Variants in DYRK4 observed in about 807,000 individuals in gnomAD.
DYRK4 encodes dual specificity tyrosine phosphorylation regulated kinase 4.
In DYRK4, 64 loss-of-function variants were observed where a neutral mutation model predicts 68.3. The observed-to-expected ratio is 0.94, with a 90% confidence interval of 0.77 to 1.15. The LOEUF (loss-of-function observed/expected upper bound fraction) is 1.15, where lower values mean the gene tolerates loss of function less well. Among genes scored for constraint, DYRK4 ranks in the 50% most tolerant of loss-of-function variants. The probability of loss-of-function intolerance (pLI) is 0.00; values close to 1 mark genes in which losing one functional copy is unlikely to be tolerated. For missense variants in DYRK4, 740 were observed against 764.7 expected (o/e 0.97, Z 0.38); for synonymous variants, 274 against 289.9 (o/e 0.95, Z 0.56).
chr12:4,605,755 TC>T (rs1555124180), intron 11 of DYRK4, among the ~76,000 whole-genome samples: 1 of 102,220 alleles, frequency 9.8e-6, no homozygotes, highest in Admixed American at 1.1e-4. Flanking sequence ...TTTTTTTTTT[TC>T]CAAATTAATG....
Position 4,562,263 on chromosome 12 carries a change from G to T in DYRK4, c.18G>T (p.Pro6=), listed in dbSNP as rs34206253. 383,888 of 1,532,220 alleles carry T rather than the reference G, an allele frequency of 0.25. 49,812 individuals are homozygous for T. The highest frequency in any genetic ancestry group is 0.36 in the South Asian group (30,210 of 83,614). The allele number at this position is 1,532,220 out of a possible 1,614,324, so 94.9% of individuals were successfully genotyped here. A position where few individuals can be genotyped will look rare whatever the true frequency, so the allele number is the denominator to read the frequency against. Residue 6 remains proline, a synonymous_variant, in exon 1 of 15, where the codon CCG becomes CCT. Transcript: ENST00000543431. ...CCGGCCTCATGCAGCTCCTCCCGCC[G>T]CCTATCCGCACCGGAACAAAGTAAG... The part of the protein sequence containing the change: MQLLP[P]PIRTGTKTQM...
chr12:4,605,018 G>A lies in DYRK4; in HGVS notation c.1231G>A (p.Glu411Lys), dbSNP rs1210797005. 6 of 1,614,018 alleles carry A rather than the reference G, an allele frequency of 3.7e-6. No homozygotes were observed. In the South Asian group the frequency reaches 6.6e-5, roughly 18 times the overall value. The change falls in exon 11 of 15, where the codon GAG becomes AAG. Residue 411 changes from glutamate to lysine, a missense_variant. Transcript: ENST00000543431. ...GTGGAGCCTGGGCTGCATCACGGCGGAGTTGTACACGGGCTACCCCCTGTT... is the reference window on the plus strand; with the variant it reads ...GTGGAGCCTGGGCTGCATCACGGCGAAGTTGTACACGGGCTACCCCCTGTT... ...DMWSLGCITA[E>K]LYTGYPLFPG...
At chr12:4,592,731 G>A (rs573982329) in intron 5 of DYRK4, 43 of 329,670 alleles carry the variant, frequency 1.3e-4, no homozygotes, top group East Asian at 1.3e-3. Context: ...TTTTACCTGC[G>A]CTGCTCTAAC....
intron 12 of DYRK4, 135 bp downstream of exon 12, chr12:4,607,522 A>G (rs561251317): frequency 1.0e-6 from 1 of 958,030 alleles, no homozygotes; most frequent in South Asian, 1.5e-5. Flanking sequence ...GAAGTAAAAG[A>G]TAATGAGCAG....
At position 4,593,056 on chromosome 12, in the gene DYRK4, T is replaced by C; in HGVS notation, c.518T>C (p.Leu173Pro). 6.2e-7 allele frequency: 1 copy of C among 1,614,198 alleles called. No homozygotes were observed. Residue 173 changes from leucine (L) to proline (P), a missense_variant, in exon 6 of 15, where the codon CTG (leucine) becomes CCG (proline). Leu to Pro is a moderately conservative substitution (Grantham distance 98). Around this residue, in one of 3 missense-constraint regions of DYRK4, gnomAD observed 614 missense variants for 603.7 expected, o/e 1.02. Coordinates refer to ENST00000543431, the MANE Select transcript of DYRK4 (RefSeq NM_001394779.1). The stretch of plus-strand genomic sequence containing the variant: ...TCTCCATATGAACAAAGTGAAATCC[T>C]GGGCTACGCGGAGCTGTGGTTCCTG... ...QLSPYEQSEI[L>P]GYAELWFLGL...
At chr12:4,579,629 G>T (rs1011668916) in intron 2 of DYRK4, among the ~76,000 whole-genome samples, 2 of 152,154 alleles carry the variant, frequency 1.3e-5, no homozygotes, top group Admixed American at 1.3e-4. Context: ...GCATGCAAAG[G>T]CATTCTATCT....
intron 11 of DYRK4, 138 bp downstream of exon 11, chr12:4,605,224 G>A: frequency 1.4e-6 from 1 of 710,126 alleles, no homozygotes; most frequent in Non-Finnish European, 2.2e-6. Context: ...CCTAAAAGGA[G>A]TTTTGAAATT....
At chr12:4,568,105 A>T in intron 2 of DYRK4, 57 bp downstream of exon 2, 1 of 1,432,678 alleles carries the variant, frequency 7.0e-7, no homozygotes, top group Non-Finnish European at 9.5e-7. Context: ...GGTCCTAGGG[A>T]CTCAGGACCC....
At chr12:4,597,385 G>A (rs1218033686) in intron 8 of DYRK4, among the ~76,000 whole-genome samples, 1 of 152,248 alleles carries the variant, frequency 6.6e-6, no homozygotes, top group Non-Finnish European at 1.5e-5. Flanking sequence ...TAGCGAGCTG[G>A]TAGCTCACTG....
intron 2 of DYRK4, among the ~76,000 whole-genome samples, chr12:4,574,224 T>TA (rs58588899): frequency 0.045 from 5,457 of 120,958 alleles, 166 homozygotes; most frequent in South Asian, 0.15. Context: ...GACTCCATCT[T>TA]AAAAAAAAAA....
In DYRK4 at chr12:4,584,628, T is replaced by G. The variant is rs1944876790; in HGVS notation, c.133-4309T>G. Among the ~76,000 whole-genome samples, 3 of 145,894 alleles carry G rather than the reference T, an allele frequency of 2.1e-5. No individual in the cohort carries two copies. The South Asian group carries it at 6.6e-4, about 32-fold the overall frequency. ...TGGAGTACACTGGTGCGATCTTGGC[T>G]CACTGCAAGCTCTGCCTCCTGGGTT... On this transcript the variant is annotated intron_variant, in intron 2 of 14. Coordinates refer to ENST00000543431, the MANE Select transcript of DYRK4 (RefSeq NM_001394779.1).
At position 4,591,003 on chromosome 12, in the gene DYRK4, G is replaced by C; in HGVS notation, c.325-157G>C. 1 of 826,740 alleles carries C rather than the reference G, an allele frequency of 1.2e-6. No homozygotes were observed. Among genetic ancestry groups the C allele is most frequent in the South Asian group, 2.0e-5 (1 of 50,862 alleles). The allele number at this position is 826,740 out of a possible 1,614,324, so 51.2% of individuals were successfully genotyped here. A position where few individuals can be genotyped will look rare whatever the true frequency, so the allele number is the denominator to read the frequency against. On this transcript the variant is annotated intron_variant, in intron 4 of 14. Transcript: ENST00000543431. This position sits in a 1 kb window ranked among gnomAD's most constrained non-coding sequence, Gnocchi z 4.1. ...AGACAGATGCTTCCTTTGGGAGAGA[G>C]GTAGGGAGAACCTTCTGTCTCTTAA... is the stretch of plus-strand genomic sequence containing the variant.
In DYRK4 at chr12:4,591,405, CA is replaced by C. The variant is rs934309858; in HGVS notation, c.463+110del. Reference sequence around the variant, plus strand: ...CTAAGCTGCCAGGTGTCAGAGTAGTCAAAGAAGGCAGCCAGCCAAGAGGAAA... The same window carrying C: ...CTAAGCTGCCAGGTGTCAGAGTAGTCAAGAAGGCAGCCAGCCAAGAGGAAA... On this transcript the variant is annotated intron_variant, in intron 5 of 14. Transcript: ENST00000543431. The surrounding 1 kb of genome is among the most constrained non-coding windows in gnomAD (Gnocchi z 4.1). 6 of 1,448,376 alleles carry C rather than the reference CA, an allele frequency of 4.1e-6. No individual in the cohort carries two copies. In the Admixed American group the frequency reaches 1.2e-4, roughly 30 times the overall value. The allele number at this position is 1,448,376 out of a possible 1,614,324, so 89.7% of individuals were successfully genotyped here. A position where few individuals can be genotyped will look rare whatever the true frequency, so the allele number is the denominator to read the frequency against.
chr12:4,605,158 A>C, intron 11 of DYRK4, 72 bp downstream of exon 11: 1 of 1,412,672 alleles, frequency 7.1e-7, no homozygotes, highest in East Asian at 2.3e-5. Flanking sequence ...GCTGCACCAG[A>C]CTCGCCCAGG....
At chr12:4,599,915 T>C (rs1456477747) in intron 10 of DYRK4, 127 bp downstream of exon 10, 1 of 744,780 alleles carries the variant, frequency 1.3e-6, no homozygotes, top group East Asian at 2.6e-5. Flanking sequence ...TTGAACAAGG[T>C]GCTTCGCTTC....
chr12:4,583,552 G>A (rs1400663250), intron 2 of DYRK4, among the ~76,000 whole-genome samples: 2 of 151,764 alleles, frequency 1.3e-5, no homozygotes, highest in African/African-American at 4.8e-5. Context: ...CTGCCACCAC[G>A]CCCGACTAAT....
chr12:4,591,020 GTC>G lies in DYRK4; in HGVS notation c.325-136_325-135del. 1.0e-6 allele frequency: 1 copy of G among 985,960 alleles called. No individual in the cohort carries two copies. The highest frequency in any genetic ancestry group is 1.5e-6 in the Non-Finnish European group (1 of 680,832). 61.1% of individuals were successfully genotyped at this position (985,960 alleles called of 1,614,324 possible). A position where few individuals can be genotyped will look rare whatever the true frequency, so the allele number is the denominator to read the frequency against. On this transcript the variant is annotated intron_variant, in intron 4 of 14. Transcript: ENST00000543431. The surrounding 1 kb of genome is among the most constrained non-coding windows in gnomAD (Gnocchi z 4.1). ...GGGAGAGAGGTAGGGAGAACCTTCT[GTC>G]TCTTAATCGCTGTTTTCTCCCTGGA...
chr12:4,590,689 G>T, intron 4 of DYRK4: 1 of 692,644 alleles, frequency 1.4e-6, no homozygotes, highest in South Asian at 4.5e-5. Context: ...ATGAAGTGCT[G>T]GTACATAAAA....
At chr12:4,570,582 T>C (rs7974739) in intron 2 of DYRK4, among the ~76,000 whole-genome samples, 2,694 of 152,284 alleles carry the variant, frequency 0.018, 78 homozygotes, top group African/African-American at 0.061. Context: ...TTATAATCCC[T>C]TCATCTAAAA....
Sources: gnomAD v4.1 joint callset for allele counts (sites outside exome capture counted in the v4.1 genomes callset) on GRCh38, gnomAD v4.1.1 for gene constraint, gnomAD v4.1.1 regional missense constraint, Gnocchi (gnomAD v3.1) non-coding constraint, MANE v1.5 for transcripts, NCBI Gene and HGNC (gene_info 2026-07-23, HGNC 2026-07-21) for gene names.